The following FLT1 variants were observed in gnomAD, a reference collection of about 807,000 sequenced individuals.
FLT1 encodes fms related receptor tyrosine kinase 1.
Under a neutral mutation model 156.3 loss-of-function variants are expected in FLT1, and 49 were observed. That is an observed-to-expected ratio of 0.31 (90% CI 0.25 to 0.40). The LOEUF (loss-of-function observed/expected upper bound fraction) is 0.40. Among genes scored for constraint, FLT1 ranks in the 10% least tolerant of loss-of-function variants. The pLI, the probability that FLT1 is intolerant of heterozygous loss-of-function variation, is 1.00. For missense variants in FLT1, 1,322 were observed against 1,637.2 expected, an observed-to-expected ratio of 0.81 and a Z score of 3.32; for synonymous variants, 594 against 583.8, an observed-to-expected ratio of 1.02 and a Z score of -0.25.
Position 28,337,140 on chromosome 13 carries a change from G to A in FLT1, c.2488+2028C>T, listed in dbSNP as rs142507609. Among the ~76,000 whole-genome samples, 276 of 151,374 alleles carry A rather than the reference G, an allele frequency of 1.8e-3. 1 individual carries two copies. Among genetic ancestry groups the A allele is most frequent in the African/African-American group, 6.5e-3 (268 of 41,272 alleles). On this transcript the variant is annotated intron_variant, in intron 17 of 29. Coordinates refer to ENST00000282397, the MANE Select transcript of FLT1 (RefSeq NM_002019.4). ...AAGCTGAATTCCCTCCCATGGGTTA[G>A]TGAGGAATCTTTTTTTTTTTTTTAA...
At chr13:28,427,463 T>G in intron 9 of FLT1, 145 bp from the exon 10 acceptor site, 1 of 825,684 alleles carries the variant, frequency 1.2e-6, no homozygotes, top group South Asian at 1.5e-5. Flanking sequence ...CCCTCCTATT[T>G]GTCAAGAAAA....
Position 28,401,437 on chromosome 13 carries a change from T to C in FLT1, c.1551+4343A>G, listed in dbSNP as rs547757875. Among the ~76,000 whole-genome samples the C allele has an allele frequency of 2.6e-5, 4 of 152,344 alleles. No individual in the cohort carries two copies. The South Asian group carries it at 8.3e-4, about 32-fold the overall frequency. ...AGTACTGTAAGTTTGGAGTTTTTCA[T>C]GTTCCTTCCTTCCTTCCCCTTCACT... is the stretch of plus-strand genomic sequence containing the variant. On this transcript the variant is annotated intron_variant, in intron 11 of 29. Transcript: ENST00000282397.
At chr13:28,394,014 A>G (rs1874891828) in intron 12 of FLT1, among the ~76,000 whole-genome samples, 1 of 152,226 alleles carries the variant, frequency 6.6e-6, no homozygotes, top group African/African-American at 2.4e-5. Context: ...CACTGAGTCA[A>G]GTATAAACAC....
chr13:28,385,501 C>G, intron 13 of FLT1: 1 of 1,010,170 alleles, frequency 9.9e-7, no homozygotes, highest in South Asian at 4.6e-5. Context: ...TTGTGTTACT[C>G]AACTGTCAGT....
At chr13:28,490,614 G>A (rs1457474885) in intron 1 of FLT1, among the ~76,000 whole-genome samples, 2 of 152,192 alleles carry the variant, frequency 1.3e-5, no homozygotes. Flanking sequence ...GAAAGCATCT[G>A]GCAGGAGATC....
intron 1 of FLT1, among the ~76,000 whole-genome samples, chr13:28,479,844 A>T (rs916418421): frequency 6.6e-6 from 1 of 152,216 alleles, no homozygotes; most frequent in Non-Finnish European, 1.5e-5. Flanking sequence ...AATATCATCC[A>T]AGACATTATA....
chr13:28,447,693 A>G (rs1219259148), intron 3 of FLT1, among the ~76,000 whole-genome samples: 2 of 152,084 alleles, frequency 1.3e-5, no homozygotes, highest in African/African-American at 2.4e-5. Context: ...TTTGCAAATT[A>G]TATATCTCAT....
intron 24 of FLT1, 75 bp from the exon 25 acceptor site, chr13:28,317,672 G>T: frequency 1.1e-6 from 1 of 917,340 alleles, no homozygotes; most frequent in Non-Finnish European, 1.8e-6. Context: ...GGACAATTCA[G>T]TGTTTCTTTC....
At chr13:28,468,017 G>A (rs967017849) in intron 1 of FLT1, among the ~76,000 whole-genome samples, 11 of 152,096 alleles carry the variant, frequency 7.2e-5, no homozygotes, top group African/African-American at 2.7e-4. Context: ...TTTCAATACT[G>A]AACTTTTTCC....
Position 28,464,028 on chromosome 13 carries a change from A to T in FLT1, c.388+2875T>A, listed in dbSNP as rs565611098. Among the ~76,000 whole-genome samples, 4 of 150,816 alleles carry T rather than the reference A, an allele frequency of 2.7e-5. No individual in the cohort carries two copies. In the South Asian group the frequency reaches 8.5e-4, roughly 32 times the overall value. On this transcript the variant is annotated intron_variant, in intron 3 of 29. Coordinates refer to ENST00000282397, the MANE Select transcript of FLT1 (RefSeq NM_002019.4). ...ATATTTGCTGATTAAATTAATTAGC[A>T]AACAAGATTCAGAAGGCTCTTCTAT...
At chr13:28,320,761 T>C (rs1391000739) in intron 23 of FLT1, among the ~76,000 whole-genome samples, 2 of 152,074 alleles carry the variant, frequency 1.3e-5, no homozygotes, top group South Asian at 2.1e-4. Flanking sequence ...CAGCACACTG[T>C]AGCGTAACAA....
intron 1 of FLT1, among the ~76,000 whole-genome samples, chr13:28,472,061 C>A (rs616342): frequency 0.12 from 17,738 of 152,136 alleles, 1,309 homozygotes; most frequent in Admixed American, 0.2. Flanking sequence ...TTATCTGAGT[C>A]TTTTCTTCAT....
chr13:28,418,449 C>T (rs1876786565), intron 10 of FLT1, among the ~76,000 whole-genome samples: 1 of 152,238 alleles, frequency 6.6e-6, no homozygotes, highest in South Asian at 2.1e-4. Context: ...GGCGCCCTCC[C>T]AAACCTATTC....
chr13:28,367,793 A>T (rs6491275), intron 14 of FLT1, among the ~76,000 whole-genome samples: 1 of 151,966 alleles, frequency 6.6e-6, no homozygotes, highest in Non-Finnish European at 1.5e-5. Context: ...AGTTGACTAT[A>T]TGTATTGTTG....
At chr13:28,339,962 C>T (rs1000945370) in intron 16 of FLT1, among the ~76,000 whole-genome samples, 2 of 152,162 alleles carry the variant, frequency 1.3e-5, no homozygotes, top group African/African-American at 4.8e-5. Flanking sequence ...GGCCTGTAAT[C>T]CCAGCACTTT....
Position 28,313,275 on chromosome 13 carries a change from G to A in FLT1, c.3387-1177C>T, listed in dbSNP as rs149355092. ...ATTACAGGCGTGAGCCACTGCGCCC[G>A]GCCTCTTCTTTACATTTTAGATGTA... is the stretch of plus-strand genomic sequence containing the variant. On this transcript the variant is annotated intron_variant, in intron 25 of 29. Transcript: ENST00000282397. Among the ~76,000 whole-genome samples the A allele has an allele frequency of 2.0e-3, 305 of 152,172 alleles. 2 individuals carry two copies. Among genetic ancestry groups the A allele is most frequent in the African/African-American group, 6.8e-3 (281 of 41,516 alleles).
At chr13:28,365,505 C>T (rs1354239997) in intron 14 of FLT1, among the ~76,000 whole-genome samples, 1 of 152,150 alleles carries the variant, frequency 6.6e-6, no homozygotes, top group Non-Finnish European at 1.5e-5. Context: ...GTGTGCACCA[C>T]CAAGCCTGGC....
At chr13:28,386,225 C>G in intron 13 of FLT1, 2 of 1,053,224 alleles carry the variant, frequency 1.9e-6, no homozygotes, top group South Asian at 4.6e-5. Flanking sequence ...AGGGTTCTGC[C>G]ACGTCCCAAA....
chr13:28,342,154 A>G (rs998119004), intron 16 of FLT1, among the ~76,000 whole-genome samples: 2 of 152,172 alleles, frequency 1.3e-5, no homozygotes, highest in Non-Finnish European at 2.9e-5. Context: ...AAGTTCTGGG[A>G]TTACAGGCAT....
Sources: allele counts gnomAD v4.1 joint callset (sites outside exome capture counted in the v4.1 genomes callset), GRCh38; gene constraint gnomAD v4.1.1; transcripts MANE v1.5; gene names NCBI Gene and HGNC (gene_info 2026-07-23, HGNC 2026-07-21).